The following BMAL2 variants were observed in gnomAD, a reference collection of about 807,000 sequenced individuals.
BMAL2 encodes basic helix-loop-helix ARNT-like protein 2.
chr12:27,418,370 G>A, the BMAL2 span, among the ~76,000 whole-genome samples: 2 of 152,074 alleles, frequency 1.3e-5, no homozygotes, highest in Non-Finnish European at 2.9e-5. Context: ...GGAGGCCAAG[G>A]CAGGAGGATT....
At chr12:27,360,671 CA>C in the BMAL2 span, among the ~76,000 whole-genome samples, 1 of 151,908 alleles carries the variant, frequency 6.6e-6, no homozygotes, top group Non-Finnish European at 1.5e-5. Context: ...ACTTAATTAG[CA>C]TCAGTAACCT....
At chr12:27,419,529 C>T in the BMAL2 span, among the ~76,000 whole-genome samples, 1 of 152,156 alleles carries the variant, frequency 6.6e-6, no homozygotes, top group Non-Finnish European at 1.5e-5. Context: ...ACCTAATTAC[C>T]TTGTATCAGG....
At chr12:27,422,078 G>T in the BMAL2 span, 1 of 151,982 alleles carries the variant, frequency 6.6e-6, no homozygotes, top group African/African-American at 2.4e-5. Flanking sequence ...TTAATCCAGA[G>T]GTGGCTCAAA....
the BMAL2 span, chr12:27,380,494 G>A: frequency 7.1e-7 from 1 of 1,404,858 alleles, no homozygotes; most frequent in East Asian, 2.3e-5. Flanking sequence ...GTCAGCTGTT[G>A]AGGTTCTATC....
At chr12:27,388,765 A>C in the BMAL2 span, among the ~76,000 whole-genome samples, 5 of 152,196 alleles carry the variant, frequency 3.3e-5, no homozygotes, top group East Asian at 7.7e-4. Context: ...ATAGTATGGT[A>C]ATTTTTTAAA....
the BMAL2 span, chr12:27,424,086 G>A: frequency 6.6e-6 from 1 of 152,142 alleles, no homozygotes; most frequent in South Asian, 2.1e-4. Flanking sequence ...ATTAAAATTA[G>A]TTCTACTTGT....
chr12:27,337,134 C>T, the BMAL2 span, among the ~76,000 whole-genome samples: 2 of 151,672 alleles, frequency 1.3e-5, no homozygotes, highest in Non-Finnish European at 1.5e-5. Context: ...TGGTTTAAAT[C>T]TCTAGATGGT....
At chr12:27,403,358 AGAGAACTGT>A in the BMAL2 span, 1 of 999,270 alleles carries the variant, frequency 1.0e-6, no homozygotes, top group South Asian at 1.4e-5. Context: ...TCTTTTAAGG[AGAGAACTGT>A]GAAATTATTT....
chr12:27,389,008 A>G, the BMAL2 span, among the ~76,000 whole-genome samples: 1 of 152,196 alleles, frequency 6.6e-6, no homozygotes, highest in Admixed American at 6.5e-5. Context: ...TTTTCTGTCT[A>G]CAAGTATCAC....
At chr12:27,358,260 A>T in the BMAL2 span, among the ~76,000 whole-genome samples, 1 of 152,190 alleles carries the variant, frequency 6.6e-6, no homozygotes, top group Non-Finnish European at 1.5e-5. Context: ...TCAAAAGAAG[A>T]TATACAAATG....
the BMAL2 span, among the ~76,000 whole-genome samples, chr12:27,406,825 AGT>A: frequency 1.3e-5 from 2 of 152,350 alleles, no homozygotes; most frequent in East Asian, 3.9e-4. Flanking sequence ...AAGACCCATC[AGT>A]GTGCTGTATT....
chr12:27,365,803 T>A, the BMAL2 span, among the ~76,000 whole-genome samples: 1 of 151,498 alleles, frequency 6.6e-6, no homozygotes, highest in African/African-American at 2.4e-5. Context: ...GAAACTTTGT[T>A]TAGCTTTTTA....
At chr12:27,350,994 C>CCCTTTTT in the BMAL2 span, among the ~76,000 whole-genome samples, 3 of 94,278 alleles carry the variant, frequency 3.2e-5, no homozygotes, top group Non-Finnish European at 4.2e-5. Flanking sequence ...CCCACCCCCC[C>CCCTTTTT]TTTTTTTTTT....
At chr12:27,355,318 T>A in the BMAL2 span, among the ~76,000 whole-genome samples, 1 of 152,178 alleles carries the variant, frequency 6.6e-6, no homozygotes, top group East Asian at 1.9e-4. Flanking sequence ...CTGCAAACAG[T>A]GCTCCATAGA....
the BMAL2 span, chr12:27,332,879 C>A: frequency 4.7e-6 from 1 of 211,718 alleles, no homozygotes; most frequent in Non-Finnish European, 8.8e-6. Context: ...TCAGTAGCTG[C>A]TGCCGGCCGG....
chr12:27,403,687 G>A, the BMAL2 span: 19 of 438,526 alleles, frequency 4.3e-5, no homozygotes, highest in South Asian at 1.8e-4. Flanking sequence ...GCAACAAAAA[G>A]ATATAAATTT....
the BMAL2 span, among the ~76,000 whole-genome samples, chr12:27,352,077 T>A: frequency 6.6e-6 from 1 of 152,222 alleles, no homozygotes; most frequent in African/African-American, 2.4e-5. Context: ...TGTTTTCAGG[T>A]TTACACTGCT....
At chr12:27,344,708 G>A in the BMAL2 span, among the ~76,000 whole-genome samples, 6 of 152,146 alleles carry the variant, frequency 3.9e-5, no homozygotes, top group African/African-American at 9.7e-5. Flanking sequence ...TACAAAATAC[G>A]TTCACAACAA....
At chr12:27,354,298 T>C in the BMAL2 span, among the ~76,000 whole-genome samples, 1 of 152,196 alleles carries the variant, frequency 6.6e-6, no homozygotes, top group Admixed American at 6.5e-5. Flanking sequence ...GTTATTATCC[T>C]AGGCAAATTA....
Sources: allele counts gnomAD v4.1 joint callset (sites outside exome capture counted in the v4.1 genomes callset), GRCh38; gene constraint gnomAD v4.1.1; transcripts MANE v1.5; gene names NCBI Gene and HGNC (gene_info 2026-07-23, HGNC 2026-07-21).